Variants in PIEZO1 observed in about 807,000 individuals in gnomAD.
PIEZO1 encodes piezo-type mechanosensitive ion channel component 1.
PIEZO1 carries 296 observed loss-of-function variants against 297.2 expected under a neutral mutation model. The observed-to-expected ratio is 1.00, with a 90% CI of 0.91 to 1.10. The LOEUF (loss-of-function observed/expected upper bound fraction) is 1.10, where lower values mean the gene tolerates loss of function less well. Among genes scored for constraint, PIEZO1 ranks in the 50% least tolerant of loss-of-function variants. The pLI, the probability that PIEZO1 is intolerant of heterozygous loss-of-function variation, is 0.00. For missense variants in PIEZO1, 5,018 were observed against 3,455.5 expected (o/e 1.45, Z -11.34); for synonymous variants, 2,427 against 1,507.5 (o/e 1.61, Z -14.13).
At chr16:88,730,812 A>T (rs1904752122) in intron 22 of PIEZO1, among the ~76,000 whole-genome samples, 1 of 152,202 alleles carries the variant, frequency 6.6e-6, no homozygotes, top group African/African-American at 2.4e-5. Flanking sequence ...GGGTCTGCGG[A>T]TGACAGAATT....
chr16:88,724,885 C>G (rs1427844720), intron 30 of PIEZO1, 124 bp downstream of exon 30: 1 of 617,254 alleles, frequency 1.6e-6, no homozygotes, highest in Non-Finnish European at 2.7e-6. Flanking sequence ...GAGGCCTGAG[C>G]ACGTCCTGAC....
At chr16:88,740,086 A>G (rs964007111) in intron 5 of PIEZO1, 1 of 151,656 alleles carries the variant, frequency 6.6e-6, no homozygotes, top group Non-Finnish European at 1.5e-5. Context: ...TGCCGCAGCC[A>G]TGCTGCAGAC....
At position 88,723,989 on chromosome 16, in the gene PIEZO1, TGA is replaced by T. The variant is rs775882916; in HGVS notation, c.4235-20_4235-19del. The T allele has an allele frequency of 5.0e-4, 720 of 1,444,644 alleles. 1 individual carries two copies. Among genetic ancestry groups the T allele is most frequent in the Non-Finnish European group, 5.8e-4 (612 of 1,050,780 alleles). The allele number at this position is 1,444,644 out of a possible 1,614,324, so 89.5% of individuals were successfully genotyped here. A position where few individuals can be genotyped will look rare whatever the true frequency, so the allele number is the denominator to read the frequency against. On this transcript the variant is annotated intron_variant, in intron 30 of 50. Transcript: ENST00000301015. Reference sequence around the variant, plus strand: ...GTGGATGACTGTGGGCAGGCAGCACTGAGAGCCAGCCTTCCATGCAGGGAGAC... The same window carrying T: ...GTGGATGACTGTGGGCAGGCAGCACTGAGCCAGCCTTCCATGCAGGGAGAC...
At position 88,717,073 on chromosome 16, in the gene PIEZO1, C is replaced by T. The variant is rs969108952; in HGVS notation, c.6610G>A (p.Val2204Ile). The T allele has an allele frequency of 2.6e-6, 4 of 1,551,050 alleles. No individual in the cohort carries two copies. The highest frequency in any genetic ancestry group is 2.0e-5 in the Admixed American group (1 of 51,014). Residue 2204 changes from valine (V) to isoleucine (I), a missense_variant, in exon 45 of 51, where the codon GTC (valine) becomes ATC (isoleucine). Physicochemically the swap from Val to Ile is conservative, Grantham distance 29. Transcript: ENST00000301015. ...MSLVRSVVGV[V>I]NQPIDVTVTL... is the part of the protein sequence containing the mutation. ...ACGGTGACATCGATGGGCTGGTTGA[C>T]AACCCCAACCACGGAGCGCACCAGC...
chr16:88,780,002 G>A (rs1280386822), intron 1 of PIEZO1, among the ~76,000 whole-genome samples: 1 of 152,146 alleles, frequency 6.6e-6, no homozygotes, highest in Non-Finnish European at 1.5e-5. Context: ...AAGCTTTTAC[G>A]GTGTCACTTA....
intron 1 of PIEZO1, among the ~76,000 whole-genome samples, chr16:88,784,373 G>A (rs184498611): frequency 1.3e-5 from 2 of 152,366 alleles, no homozygotes; most frequent in Admixed American, 6.5e-5. Context: ...AGCGGTGAGC[G>A]GGGCTGGGCC....
chr16:88,735,162 G>T lies in PIEZO1; in HGVS notation c.1642C>A (p.Leu548Met), dbSNP rs1185006870. 2 of 1,550,192 alleles carry T rather than the reference G, an allele frequency of 1.3e-6. No homozygotes were observed. The highest frequency in any genetic ancestry group is 2.7e-5 in the African/African-American group (2 of 73,054). Residue 548 changes from leucine to methionine, a missense_variant, in exon 13 of 51, where the codon CTG (leucine) becomes ATG (methionine). Physicochemically the swap from Leu to Met is conservative, Grantham distance 15 (BLOSUM62 2). Transcript: ENST00000301015. ...GTGTCTGCCACGGTGACCTCCGTCA[G>T]CGCAGCTGGAGACTCTGCCCACTTC... ...LLKWAESPAALTEVTVADTEP... is the reference protein window; with the variant it reads ...LLKWAESPAAMTEVTVADTEP...
At position 88,722,698 on chromosome 16, in the gene PIEZO1, C is replaced by T; in HGVS notation, c.4669-9G>A. The T allele has an allele frequency of 6.5e-7, 1 of 1,536,160 alleles. No individual in the cohort carries two copies. The highest frequency in any genetic ancestry group is 8.7e-7 in the Non-Finnish European group (1 of 1,145,618). On this transcript the variant is annotated splice_polypyrimidine_tract_variant and intron_variant, in intron 34 of 50. Coordinates refer to ENST00000301015, the MANE Select transcript of PIEZO1 (RefSeq NM_001142864.4). ...CTGTGCACTTCGCCGCCCTGCAGGG[C>T]ACAGCAGGGGGCTCAGGGCTGCGTC...
In PIEZO1 at chr16:88,738,605, A is replaced by G. The variant is rs1234520394; in HGVS notation, c.597T>C (p.Ala199=). ...RVTAHWLLVA[A]GRVLAVTLLA... ...GCAGTGTTACGGCCAGGACCCGCCC[A>G]GCCGCCACCAGCAGCCAGTGGGCCG... The change falls in exon 6 of 51, where the codon GCT becomes GCC. Residue 199 remains alanine (A), a synonymous_variant. Transcript: ENST00000301015. 5 of 1,535,468 alleles carry G rather than the reference A, an allele frequency of 3.3e-6. No homozygotes were observed. In the South Asian group the frequency reaches 6.0e-5, roughly 18 times the overall value.
chr16:88,777,382 T>C (rs911904523), intron 1 of PIEZO1, among the ~76,000 whole-genome samples: 9 of 150,486 alleles, frequency 6.0e-5, no homozygotes, highest in African/African-American at 1.5e-4. Flanking sequence ...AGGGTCCTCA[T>C]TGTCACTGGC....
At chr16:88,741,424 G>C (rs1474812591) in intron 5 of PIEZO1, 54 bp downstream of exon 5, 2 of 1,439,104 alleles carry the variant, frequency 1.4e-6, no homozygotes, top group Non-Finnish European at 1.9e-6. Flanking sequence ...AAATGGCTGA[G>C]ACCACAGCTC....
At position 88,726,382 on chromosome 16, in the gene PIEZO1, G is replaced by A; in HGVS notation, c.3870C>T (p.Val1290=). 6.4e-7 allele frequency: 1 copy of A among 1,550,502 alleles called. No individual in the cohort carries two copies. The highest frequency in any genetic ancestry group is 8.7e-7 in the Non-Finnish European group (1 of 1,146,928). ...VEEAGIIWDS[V]CFFFLLLQRR... ...GCTGCAGCAGCAGGAAGAAGAAGCA[G>A]ACGCTGTCCCAGATGATGCCAGCCT... The change falls in exon 27 of 51, where the codon GTC becomes GTT. Residue 1290 remains valine (V), a synonymous_variant. Transcript: ENST00000301015.
chr16:88,721,243 C>G lies in PIEZO1; in HGVS notation c.5591G>C (p.Arg1864Pro), dbSNP rs770843415. The change falls in exon 39 of 51, where the codon CGT (arginine) becomes CCT (proline). Residue 1864 changes from arginine (R) to proline (P), a missense_variant. Arg to Pro is a moderately radical substitution (Grantham distance 103). Coordinates refer to ENST00000301015, the MANE Select transcript of PIEZO1 (RefSeq NM_001142864.4). ...ACGTAGACTGATGCGCCTCGTATCA[C>G]GGGGCCTGAGCTCCACTTGGGGTTC... ...TPEPQVELRP[R>P]DTRRISLRFR... The G allele has an allele frequency of 1.9e-6, 3 of 1,541,650 alleles. No homozygotes were observed. The African/African-American group carries it at 4.1e-5, about 21-fold the overall frequency.
chr16:88,733,554 C>T (rs1422943953), intron 18 of PIEZO1, 34 bp downstream of exon 18: 1 of 1,528,366 alleles, frequency 6.5e-7, no homozygotes, highest in Non-Finnish European at 8.8e-7. Context: ...CGACCCCACC[C>T]CAGATGGGAA....
intron 1 of PIEZO1, among the ~76,000 whole-genome samples, chr16:88,755,057 C>T (rs552553044): frequency 4.6e-5 from 7 of 152,280 alleles, no homozygotes; most frequent in African/African-American, 7.2e-5. Flanking sequence ...GTCACCGCCG[C>T]GGCCATCACG....
chr16:88,725,135 G>T, intron 29 of PIEZO1, 55 bp from the exon 30 acceptor site: 1 of 1,261,590 alleles, frequency 7.9e-7, no homozygotes. Flanking sequence ...GGAGGGGTCG[G>T]GGCTGTGAGT....
At chr16:88,766,432 T>G (rs1313247717) in intron 1 of PIEZO1, among the ~76,000 whole-genome samples, 1 of 152,150 alleles carries the variant, frequency 6.6e-6, no homozygotes, top group Non-Finnish European at 1.5e-5. Flanking sequence ...AAATACCCAT[T>G]TCACAGGTAG....
chr16:88,754,585 C>T (rs374677722), intron 1 of PIEZO1, among the ~76,000 whole-genome samples: 1 of 152,186 alleles, frequency 6.6e-6, no homozygotes, highest in African/African-American at 2.4e-5. Context: ...CCAAGCCTGA[C>T]GAGGCCTGAA....
intron 34 of PIEZO1, 68 bp from the exon 35 acceptor site, chr16:88,722,757 G>A: frequency 1.3e-6 from 2 of 1,527,484 alleles, no homozygotes; most frequent in Non-Finnish European, 1.8e-6. Flanking sequence ...TTCGTGCAGT[G>A]GGCGCGGGAC....
Sources: gnomAD v4.1 joint callset for allele counts (sites outside exome capture counted in the v4.1 genomes callset) on GRCh38, gnomAD v4.1.1 for gene constraint, MANE v1.5 for transcripts, NCBI Gene and HGNC (gene_info 2026-07-23, HGNC 2026-07-21) for gene names.